Variants in PRRC2C observed in about 807,000 individuals in gnomAD.
PRRC2C encodes protein PRRC2C.
In PRRC2C, 72 loss-of-function variants were observed where a neutral mutation model predicts 317.2. That is an observed-to-expected ratio of 0.23 (90% confidence interval 0.19 to 0.28). The LOEUF is 0.28. Ranked by LOEUF, PRRC2C falls within the 10% of genes least tolerant of loss-of-function variation. The pLI is 1.00. For synonymous variants in PRRC2C, 1,296 were observed against 1,205.9 expected (o/e 1.07, Z -1.55); for missense variants, 3,074 against 3,459.7 (o/e 0.89, Z 2.80).
intron 20 of PRRC2C, among the ~76,000 whole-genome samples, chr1:171,563,606 A>G (rs1192952155): frequency 1.3e-5 from 2 of 152,142 alleles, no homozygotes; most frequent in African/African-American, 2.4e-5. Flanking sequence ...TGTATAGCCT[A>G]TAGGTGCTAA....
At chr1:171,532,289 A>G in intron 11 of PRRC2C, 54 bp from the exon 12 acceptor site, 1 of 1,520,702 alleles carries the variant, frequency 6.6e-7, no homozygotes, top group Non-Finnish European at 8.8e-7. Context: ...CCTGATACCC[A>G]GTGTTAGTCA....
intron 1 of PRRC2C, among the ~76,000 whole-genome samples, chr1:171,504,057 G>T (rs1168855258): frequency 6.6e-6 from 1 of 152,152 alleles, no homozygotes; most frequent in Non-Finnish European, 1.5e-5. Context: ...GTTGGGGACA[G>T]AGCCAAACCA....
intron 28 of PRRC2C, 65 bp from the exon 29 acceptor site, chr1:171,583,891 T>C: frequency 7.1e-7 from 1 of 1,413,476 alleles, no homozygotes. Flanking sequence ...ATTTGCATTC[T>C]TAAGATTTTC....
intron 16 of PRRC2C, among the ~76,000 whole-genome samples, chr1:171,543,869 G>C (rs1006058277): frequency 1.5e-4 from 23 of 152,192 alleles, no homozygotes; most frequent in Non-Finnish European, 3.1e-4. Flanking sequence ...AGACTCTGCA[G>C]AGTCCCAAGG....
At chr1:171,584,629 G>A in intron 30 of PRRC2C, 103 bp downstream of exon 30, 2 of 1,353,862 alleles carry the variant, frequency 1.5e-6, no homozygotes, top group Non-Finnish European at 2.0e-6. Context: ...CAAGATGGAG[G>A]ATGGTTTTTA....
At chr1:171,499,488 T>C (rs146377400) in intron 1 of PRRC2C, among the ~76,000 whole-genome samples, 48 of 152,270 alleles carry the variant, frequency 3.2e-4, no homozygotes, top group African/African-American at 1.0e-3. Context: ...AAAGCACTTA[T>C]TAATAGAAAA....
chr1:171,569,114 G>T (rs1684226048), intron 23 of PRRC2C, among the ~76,000 whole-genome samples: 1 of 152,058 alleles, frequency 6.6e-6, no homozygotes, highest in African/African-American at 2.4e-5. Flanking sequence ...TACTTGCATG[G>T]TCCTTATTTT....
At chr1:171,537,592 T>C (rs1677065470) in intron 15 of PRRC2C, 119 bp downstream of exon 15, 1 of 937,426 alleles carries the variant, frequency 1.1e-6, no homozygotes, top group African/African-American at 1.7e-5. Context: ...TTTCCTTCTA[T>C]TTAATTTAGC....
At chr1:171,572,388 G>A (rs1254540551) in intron 24 of PRRC2C, among the ~76,000 whole-genome samples, 3 of 152,120 alleles carry the variant, frequency 2.0e-5, no homozygotes, top group African/African-American at 7.2e-5. Context: ...TCCTGATGTT[G>A]CACTGGTTGA....
chr1:171,556,937 G>A (rs1262735239), intron 18 of PRRC2C, among the ~76,000 whole-genome samples: 1 of 152,200 alleles, frequency 6.6e-6, no homozygotes, highest in African/African-American at 2.4e-5. Flanking sequence ...ACTGTGAGTA[G>A]CATTTTGTTA....
intron 3 of PRRC2C, 188 bp downstream of exon 3, chr1:171,513,360 A>G: frequency 1.4e-6 from 1 of 717,080 alleles, no homozygotes; most frequent in Admixed American, 2.3e-5. Context: ...TCAATTTGTC[A>G]GGGTAGAACA....
Position 171,577,444 on chromosome 1 carries a change from A to C in PRRC2C, c.6966A>C (p.Thr2322=). ...TPTASLSGAG[T]YTTSSLSTKS... The stretch of plus-strand genomic sequence containing the variant: ...CTTCCCCAAATATAGGAGCTGGTAC[A>C]TACACTACCTCTTCTTTGAGCACAA... The change falls in exon 26 of 35, where the codon ACA becomes ACC. Residue 2322 remains threonine (T), a synonymous_variant. Transcript: ENST00000647382. 1 of 1,605,486 alleles carries C rather than the reference A, an allele frequency of 6.2e-7. No individual in the cohort carries two copies. Among genetic ancestry groups the C allele is most frequent in the Non-Finnish European group, 8.5e-7 (1 of 1,172,824 alleles).
At chr1:171,501,891 C>T (rs1669178924) in intron 1 of PRRC2C, among the ~76,000 whole-genome samples, 1 of 152,200 alleles carries the variant, frequency 6.6e-6, no homozygotes, top group Non-Finnish European at 1.5e-5. Context: ...TCTGTGCCTA[C>T]TCAGCAATTG....
intron 20 of PRRC2C, among the ~76,000 whole-genome samples, chr1:171,562,059 A>G (rs1006132891): frequency 6.6e-6 from 1 of 152,218 alleles, no homozygotes; most frequent in African/African-American, 2.4e-5. Context: ...AAAGGTACAT[A>G]AGGAATTTTC....
At chr1:171,530,827 C>G (rs1306634230) in intron 11 of PRRC2C, among the ~76,000 whole-genome samples, 2 of 152,146 alleles carry the variant, frequency 1.3e-5, no homozygotes, top group Admixed American at 6.5e-5. Context: ...CTTTGGAAAA[C>G]AGTTTGGCAG....
chr1:171,582,981 C>CT (rs1242810641), intron 28 of PRRC2C, among the ~76,000 whole-genome samples: 1 of 151,862 alleles, frequency 6.6e-6, no homozygotes, highest in Non-Finnish European at 1.5e-5. Flanking sequence ...AGAAGTATTT[C>CT]TTTTTTTGTT....
chr1:171,532,537 T>C lies in PRRC2C; in HGVS notation c.1449T>C (p.Cys483=). 6.3e-7 allele frequency: 1 copy of C among 1,596,876 alleles called. No homozygotes were observed. The highest frequency in any genetic ancestry group is 1.1e-5 in the South Asian group (1 of 88,092). Residue 483 remains cysteine, a synonymous_variant, in exon 12 of 35, where the codon TGT becomes TGC. Transcript: ENST00000647382. ...TGGAAGAACAAAGGAAGGCAGCTTG[T>C]GCGGAGAAACTGAAACGATTGGATG... ...RRMEEQRKAA[C]AEKLKRLDEK...
At chr1:171,561,823 T>C (rs1682773452) in intron 20 of PRRC2C, among the ~76,000 whole-genome samples, 1 of 152,216 alleles carries the variant, frequency 6.6e-6, no homozygotes, top group South Asian at 2.1e-4. Flanking sequence ...TCAAATGTGA[T>C]ATTGGTAAAT....
At chr1:171,550,357 A>T in intron 18 of PRRC2C, 117 bp downstream of exon 18, 1 of 876,818 alleles carries the variant, frequency 1.1e-6, no homozygotes, top group South Asian at 3.3e-5. Flanking sequence ...AAGTGTTAAA[A>T]GTGACATCAT....
Sources: allele counts gnomAD v4.1 joint callset (sites outside exome capture counted in the v4.1 genomes callset), GRCh38; gene constraint gnomAD v4.1.1; transcripts MANE v1.5; gene names NCBI Gene and HGNC (gene_info 2026-07-23, HGNC 2026-07-21).